The following PHACTR3 variants were observed in gnomAD, a reference collection of about 807,000 sequenced individuals.
PHACTR3 encodes the protein protein phosphatase 1, regulatory subunit 123.
A neutral mutation model predicts 66.8 loss-of-function variants in PHACTR3; 16 were observed. The ratio of observed to expected loss-of-function variants is 0.24; its 90% CI spans 0.16 to 0.36. The LOEUF is 0.36. Among genes scored for constraint, PHACTR3 ranks in the 10% least tolerant of loss-of-function variants. PHACTR3 has a pLI of 1.00. For synonymous variants in PHACTR3, 323 were observed against 292.1 expected, an observed-to-expected ratio of 1.11 and a Z score of -1.08; for missense variants, 647 against 719.9, an observed-to-expected ratio of 0.90 and a Z score of 1.16.
At chr20:59,722,849 A>C (rs73144831) in intron 1 of PHACTR3, among the ~76,000 whole-genome samples, 1 of 151,556 alleles carries the variant, frequency 6.6e-6, no homozygotes, top group Admixed American at 6.6e-5. Flanking sequence ...GGTGGTGGTG[A>C]GCACCGCAGC....
chr20:59,753,615 G>C (rs939452641), intron 3 of PHACTR3, among the ~76,000 whole-genome samples: 2 of 152,204 alleles, frequency 1.3e-5, no homozygotes, highest in African/African-American at 4.8e-5. Flanking sequence ...CATGTAAAGT[G>C]CCTACCTTAT....
intron 4 of PHACTR3, among the ~76,000 whole-genome samples, chr20:59,762,173 A>T (rs905427257): frequency 2.0e-5 from 3 of 152,060 alleles, no homozygotes; most frequent in Admixed American, 6.5e-5. Flanking sequence ...TGTGGTGAGG[A>T]TGGATGTTTT....
At chr20:59,742,931 G>T (rs191796008) in intron 1 of PHACTR3, among the ~76,000 whole-genome samples, 176 bp from the exon 2 acceptor site, 39 of 152,308 alleles carry the variant, frequency 2.6e-4, no homozygotes, top group Admixed American at 3.3e-4. Flanking sequence ...GAAATTCAGC[G>T]CACGCTGCTG....
chr20:59,726,490 C>A (rs2038566134), intron 1 of PHACTR3, among the ~76,000 whole-genome samples: 1 of 152,188 alleles, frequency 6.6e-6, no homozygotes, highest in African/African-American at 2.4e-5. Flanking sequence ...CGGAAAAATG[C>A]AGAACTGTTT....
At chr20:59,699,144 G>T (rs984467559) in intron 1 of PHACTR3, among the ~76,000 whole-genome samples, 1 of 152,188 alleles carries the variant, frequency 6.6e-6, no homozygotes, top group Non-Finnish European at 1.5e-5. Context: ...AGTCAGAAAA[G>T]GACGTAAGTG....
chr20:59,605,428 G>T (rs553575869), intron 1 of PHACTR3, among the ~76,000 whole-genome samples: 1 of 152,194 alleles, frequency 6.6e-6, no homozygotes, highest in Non-Finnish European at 1.5e-5. Flanking sequence ...GGTGCTGACC[G>T]GCTGGGGGAA....
chr20:59,750,984 C>A lies in PHACTR3; in HGVS notation c.358+3149C>A, dbSNP rs77824089. ...GACCTGAGGTCAGACCCTGTCTGTC[C>A]CTAATCCTCCTGGTGCTGGGTCACC... On this transcript the variant is annotated intron_variant, in intron 3 of 12. Coordinates refer to ENST00000371015, the MANE Select transcript of PHACTR3 (RefSeq NM_080672.5). Among the ~76,000 whole-genome samples the A allele has an allele frequency of 5.3e-3, 813 of 152,332 alleles. 9 individuals are homozygous for A. Among genetic ancestry groups the A allele is most frequent in the African/African-American group, 0.019 (772 of 41,570 alleles).
At chr20:59,605,372 G>A (rs2033622800) in intron 1 of PHACTR3, among the ~76,000 whole-genome samples, 1 of 152,204 alleles carries the variant, frequency 6.6e-6, no homozygotes, top group Non-Finnish European at 1.5e-5. Flanking sequence ...CCTCCTCTCC[G>A]GCTGGTGAGC....
intron 1 of PHACTR3, among the ~76,000 whole-genome samples, chr20:59,655,152 C>G (rs531117088): frequency 6.6e-6 from 1 of 152,028 alleles, no homozygotes; most frequent in Non-Finnish European, 1.5e-5. Flanking sequence ...CCAAATAGTT[C>G]TAAGTGGCAT....
At chr20:59,718,150 C>T (rs2038164019) in intron 1 of PHACTR3, among the ~76,000 whole-genome samples, 1 of 152,204 alleles carries the variant, frequency 6.6e-6, no homozygotes. Flanking sequence ...AATGGCTCCC[C>T]CAGGCCTGAG....
Position 59,847,310 on chromosome 20 carries a change from G to A in PHACTR3, c.*180G>A, listed in dbSNP as rs1440381421. The A allele has an allele frequency of 6.3e-6, 3 of 472,952 alleles. No homozygotes were observed. The highest frequency in any genetic ancestry group is 1.9e-5 in the African/African-American group (1 of 52,456). 29.3% of individuals were successfully genotyped at this position (472,952 alleles called of 1,614,324 possible). On this transcript the variant is annotated 3_prime_UTR_variant, in exon 13 of 13. Transcript: ENST00000371015. Reference sequence around the variant, plus strand: ...TTACCTGCAAGAGGAGTAACCAGAGGACACACTTCCTTCCTTCTTTGGTGT... The same window carrying A: ...TTACCTGCAAGAGGAGTAACCAGAGAACACACTTCCTTCCTTCTTTGGTGT...
intron 3 of PHACTR3, among the ~76,000 whole-genome samples, chr20:59,750,414 G>A (rs1381526457): frequency 3.3e-5 from 5 of 152,168 alleles, no homozygotes; most frequent in Admixed American, 6.5e-5. Context: ...AGCTGATTCC[G>A]ACTTTGATGC....
At chr20:59,752,616 G>GT (rs2039638199) in intron 3 of PHACTR3, among the ~76,000 whole-genome samples, 1 of 48,238 alleles carries the variant, frequency 2.1e-5, no homozygotes, top group African/African-American at 5.6e-5. Flanking sequence ...TTCAAAGACT[G>GT]TGGAGGGGCA....
At chr20:59,670,612 G>GGGA (rs375727870) in intron 1 of PHACTR3, among the ~76,000 whole-genome samples, 2 of 135,408 alleles carry the variant, frequency 1.5e-5, no homozygotes, top group African/African-American at 2.6e-5. Context: ...GGGTGGGGGG[G>GGGA]GGGGGCAGGC....
intron 1 of PHACTR3, among the ~76,000 whole-genome samples, chr20:59,666,394 C>G (rs1304353680): frequency 2.0e-5 from 3 of 152,180 alleles, no homozygotes; most frequent in Non-Finnish European, 4.4e-5. Flanking sequence ...TCAGGGGTCA[C>G]TTGAAAGTCA....
intron 1 of PHACTR3, among the ~76,000 whole-genome samples, chr20:59,690,535 G>A (rs2037072578): frequency 6.6e-6 from 1 of 152,198 alleles, no homozygotes; most frequent in Non-Finnish European, 1.5e-5. Flanking sequence ...GCTTCTTTGG[G>A]CACAGGAGGT....
intron 1 of PHACTR3, among the ~76,000 whole-genome samples, chr20:59,648,830 A>C (rs1024184957): frequency 6.6e-6 from 1 of 152,152 alleles, no homozygotes; most frequent in African/African-American, 2.4e-5. Flanking sequence ...CCTTAGAGAA[A>C]CCACCTCGGA....
At chr20:59,718,138 G>T (rs1012344985) in intron 1 of PHACTR3, among the ~76,000 whole-genome samples, 5 of 152,190 alleles carry the variant, frequency 3.3e-5, no homozygotes, top group Non-Finnish European at 7.4e-5. Context: ...TGGAAGATTT[G>T]AAATGGCTCC....
chr20:59,748,610 G>T (rs1005906036), intron 3 of PHACTR3, among the ~76,000 whole-genome samples: 1 of 152,178 alleles, frequency 6.6e-6, no homozygotes, highest in Admixed American at 6.5e-5. Context: ...GTGAGGCCCA[G>T]GACTTAGATG....
Sources: allele counts gnomAD v4.1 joint callset (sites outside exome capture counted in the v4.1 genomes callset), GRCh38; gene constraint gnomAD v4.1.1; transcripts MANE v1.5; gene names NCBI Gene and HGNC (gene_info 2026-07-23, HGNC 2026-07-21).